HPSE2: variants seen among roughly 807,000 people sequenced by gnomAD.
The protein encoded by HPSE2 is heparanase 2 (inactive), also known as inactive heparanase-2.
HPSE2 carries 38 observed loss-of-function variants against 60.5 expected under a neutral mutation model. That is an observed-to-expected ratio of 0.63 (90% confidence interval 0.48 to 0.82). The LOEUF is 0.82. Among genes scored for constraint, HPSE2 ranks in the 40% least tolerant of loss-of-function variants. The probability of loss-of-function intolerance (pLI) is 0.00; values close to 1 mark genes in which losing one functional copy is unlikely to be tolerated. For synonymous variants in HPSE2, 295 were observed against 293.2 expected (o/e 1.01, Z -0.06); for missense variants, 713 against 740.4 (o/e 0.96, Z 0.43).
chr10:98,981,379 T>C (rs1956201772), intron 3 of HPSE2, among the ~76,000 whole-genome samples: 1 of 151,874 alleles, frequency 6.6e-6, no homozygotes, highest in Non-Finnish European at 1.5e-5. Context: ...GGCTTTGGAG[T>C]TTAACTCTGG....
chr10:98,490,103 G>T lies in HPSE2; in HGVS notation c.1414C>A (p.Arg472=). 1 of 1,614,192 alleles carries T rather than the reference G, an allele frequency of 6.2e-7. No homozygotes were observed. The change falls in exon 10 of 12, where the codon CGA becomes AGA. Residue 472 remains arginine, a synonymous_variant. Transcript: ENST00000370552. ...ATCCTTAGTTTGTCCCGGATCACTCGGCCAGGCCGTGGCTTCCGCTGGAGC... is the reference window on the plus strand; with the variant it reads ...ATCCTTAGTTTGTCCCGGATCACTCTGCCAGGCCGTGGCTTCCGCTGGAGC... ...AGLQRKPRPG[R]VIRDKLRIYA...
At chr10:99,220,359 A>G (rs1849267615) in intron 2 of HPSE2, among the ~76,000 whole-genome samples, 1 of 152,196 alleles carries the variant, frequency 6.6e-6, no homozygotes. Context: ...ACACACCATA[A>G]TTACCAACTA....
intron 3 of HPSE2, among the ~76,000 whole-genome samples, chr10:99,079,008 T>C (rs1420139441): frequency 1.3e-5 from 2 of 152,144 alleles, no homozygotes; most frequent in Admixed American, 6.5e-5. Flanking sequence ...GTTGGATCTT[T>C]GGATGTTCTA....
chr10:98,942,966 T>C (rs1327856880), intron 3 of HPSE2, among the ~76,000 whole-genome samples: 1 of 150,816 alleles, frequency 6.6e-6, no homozygotes, highest in Non-Finnish European at 1.5e-5. Flanking sequence ...TCATTCTCAG[T>C]AAACTATCGC....
intron 3 of HPSE2, among the ~76,000 whole-genome samples, chr10:98,799,531 G>A (rs1325159715): frequency 6.6e-6 from 1 of 152,144 alleles, no homozygotes; most frequent in East Asian, 1.9e-4. Context: ...TAGACTATAT[G>A]TTAGGTCACA....
chr10:98,996,013 G>A (rs1208541252), intron 3 of HPSE2, among the ~76,000 whole-genome samples: 4 of 151,952 alleles, frequency 2.6e-5, no homozygotes, highest in African/African-American at 7.2e-5. Context: ...ATTAGTTAAC[G>A]ATATTATAAC....
intron 3 of HPSE2, among the ~76,000 whole-genome samples, chr10:98,852,113 A>ATGTGTGTGTGTG (rs1555017138): frequency 3.3e-4 from 30 of 91,946 alleles, no homozygotes; most frequent in African/African-American, 1.3e-3. Context: ...GTATATTATG[A>ATGTGTGTGTGTG]TGTGTGTGTG....
In HPSE2 at chr10:99,077,712, GTA is replaced by G. The variant is rs572723470; in HGVS notation, c.610+66524_610+66525del. Among the ~76,000 whole-genome samples the G allele has an allele frequency of 2.4e-4, 13 of 54,498 alleles. No homozygotes were observed. The South Asian group carries it at 5.9e-3, about 25-fold the overall frequency. The allele number at this position is 54,498 out of a possible 152,430, so 35.8% of individuals were successfully genotyped here. A position where few individuals can be genotyped will look rare whatever the true frequency, so the allele number is the denominator to read the frequency against. On this transcript the variant is annotated intron_variant, in intron 3 of 11. Coordinates refer to ENST00000370552, the MANE Select transcript of HPSE2 (RefSeq NM_021828.5). ...CCATTTCAGATATATGTGTATGTGT[GTA>G]TATATATGTGTGTGTGTGTGTGTAC...
intron 5 of HPSE2, 146 bp downstream of exon 5, chr10:98,721,511 G>A (rs1187584984): frequency 6.9e-6 from 5 of 721,078 alleles, no homozygotes; most frequent in Non-Finnish European, 1.1e-5. Context: ...CTGTCTTAGA[G>A]TGGGTGAAGC....
chr10:98,929,652 T>C (rs1322600185), intron 3 of HPSE2, among the ~76,000 whole-genome samples: 2 of 143,534 alleles, frequency 1.4e-5, no homozygotes, highest in Non-Finnish European at 3.0e-5. Flanking sequence ...ATGTCCCTAA[T>C]GGAGAAAAAA....
intron 3 of HPSE2, among the ~76,000 whole-genome samples, chr10:99,081,938 T>C (rs769288289): frequency 2.0e-5 from 3 of 152,180 alleles, no homozygotes; most frequent in Non-Finnish European, 4.4e-5. Flanking sequence ...GCCCAGCCGA[T>C]GATGATACAA....
chr10:98,939,217 T>C (rs1363637644), intron 3 of HPSE2, among the ~76,000 whole-genome samples: 2 of 143,572 alleles, frequency 1.4e-5, no homozygotes, highest in Non-Finnish European at 3.0e-5. Context: ...AATGACAGGA[T>C]AAATTCACAC....
At chr10:98,722,386 G>A (rs1483712772) in intron 4 of HPSE2, among the ~76,000 whole-genome samples, 1 of 151,668 alleles carries the variant, frequency 6.6e-6, no homozygotes, top group Non-Finnish European at 1.5e-5. Context: ...AAAGAGGCAT[G>A]GAATAGATTC....
In HPSE2 at chr10:98,559,350, A is replaced by T. The variant is rs550758982; in HGVS notation, c.1320+55554T>A. 5.3e-5 allele frequency among the ~76,000 whole-genome samples: 8 copies of T among 152,160 alleles called. No individual in the cohort carries two copies. In the East Asian group the frequency reaches 9.7e-4, roughly 18 times the overall value. On this transcript the variant is annotated intron_variant, in intron 9 of 11. Transcript: ENST00000370552. ...GTCTTGTCTATTGGTTCTTTAACTC[A>T]GTTCTGAGTCCCCAGGATAGAGCTC...
At chr10:98,841,989 G>C (rs1002592323) in intron 3 of HPSE2, among the ~76,000 whole-genome samples, 1 of 152,080 alleles carries the variant, frequency 6.6e-6, no homozygotes, top group Non-Finnish European at 1.5e-5. Flanking sequence ...GTATTTTTTA[G>C]TAGAGACGGG....
intron 7 of HPSE2, among the ~76,000 whole-genome samples, chr10:98,628,602 G>C (rs1034244914): frequency 4.6e-5 from 7 of 152,150 alleles, no homozygotes; most frequent in African/African-American, 7.2e-5. Flanking sequence ...CTGCCTTTCA[G>C]CTGTTCTTCT....
intron 3 of HPSE2, among the ~76,000 whole-genome samples, chr10:98,765,975 T>TA (rs1491002669): frequency 6.6e-6 from 1 of 151,594 alleles, no homozygotes; most frequent in Non-Finnish European, 1.5e-5. Context: ...TTGAAATAAA[T>TA]AAAAATCAAT....
intron 2 of HPSE2, among the ~76,000 whole-genome samples, chr10:99,170,224 C>T (rs1045905068): frequency 3.3e-5 from 5 of 152,194 alleles, no homozygotes; most frequent in Admixed American, 3.3e-4. Context: ...TGCTAATGCT[C>T]TTCTCACTGT....
chr10:98,870,066 G>C (rs954079514), intron 3 of HPSE2, among the ~76,000 whole-genome samples: 1 of 152,112 alleles, frequency 6.6e-6, no homozygotes, highest in Non-Finnish European at 1.5e-5. Flanking sequence ...CATTTTATTA[G>C]GGGAGGCAGG....
Sources: gnomAD v4.1 joint callset for allele counts (sites outside exome capture counted in the v4.1 genomes callset) on GRCh38, gnomAD v4.1.1 for gene constraint, MANE v1.5 for transcripts, NCBI Gene and HGNC (gene_info 2026-07-23, HGNC 2026-07-21) for gene names.